The following BTD variants were observed in gnomAD, a reference collection of about 807,000 sequenced individuals.
The protein encoded by BTD is biotinidase, also known as biocytinase.
BTD carries 13 observed loss-of-function variants against 17.7 expected under a neutral mutation model. The ratio of observed to expected loss-of-function variants is 0.74; its 90% CI spans 0.48 to 1.17. The LOEUF (loss-of-function observed/expected upper bound fraction) is 1.17, where lower values mean the gene tolerates loss of function less well. Among genes scored for constraint, BTD ranks in the 50% most tolerant of loss-of-function variants. The probability of loss-of-function intolerance (pLI) is 0.00; values close to 1 mark genes in which losing one functional copy is unlikely to be tolerated. For synonymous variants in BTD, 240 were observed against 245.2 expected, an observed-to-expected ratio of 0.98 and a Z score of 0.20; for missense variants, 674 against 650.4, an observed-to-expected ratio of 1.04 and a Z score of -0.39.
chr3:15,665,066 G>A (rs543242053), intron 3 of BTD, among the ~76,000 whole-genome samples: 1 of 152,136 alleles, frequency 6.6e-6, no homozygotes, highest in Non-Finnish European at 1.5e-5. Flanking sequence ...TAAGCTAGTA[G>A]ACAGGTATTT....
intron 2 of BTD, among the ~76,000 whole-genome samples, chr3:15,637,853 A>G (rs562773687): frequency 2.0e-5 from 3 of 152,290 alleles, no homozygotes; most frequent in East Asian, 3.9e-4. Context: ...CCTTTCAATA[A>G]TCTGCCCCCA....
In BTD at chr3:15,628,673, T is replaced by C. The variant is rs557570751; in HGVS notation, c.-16-6751T>C. Among the ~76,000 whole-genome samples the C allele has an allele frequency of 3.3e-5, 5 of 152,350 alleles. No individual in the cohort carries two copies. The East Asian group carries it at 9.6e-4, about 29-fold the overall frequency. On this transcript the variant is annotated intron_variant, in intron 1 of 3. Coordinates refer to ENST00000643237, the MANE Select transcript of BTD (RefSeq NM_001370658.1). Reference sequence around the variant, plus strand: ...GCTAGAAGTGCCCCCACCATTCATGTGTCCCAGGACTGACTGACAGTGGAA... The same window carrying C: ...GCTAGAAGTGCCCCCACCATTCATGCGTCCCAGGACTGACTGACAGTGGAA...
chr3:15,704,871 C>T (rs185430261), intron 3 of BTD, among the ~76,000 whole-genome samples: 2 of 152,142 alleles, frequency 1.3e-5, no homozygotes, highest in Admixed American at 6.6e-5. Context: ...TGATGGCACT[C>T]GACAGGCTCT....
In BTD at chr3:15,618,737, G is replaced by T. The variant is rs34408221; in HGVS notation, c.-16-16687G>T. ...AGATGGGGTTTCACCATGTTAGCCA[G>T]GATGGTCTCAATCTCCTGACCTCGT... On this transcript the variant is annotated intron_variant, in intron 1 of 3. Coordinates refer to ENST00000643237, the MANE Select transcript of BTD (RefSeq NM_001370658.1). Among the ~76,000 whole-genome samples, 204 of 152,236 alleles carry T rather than the reference G, an allele frequency of 1.3e-3. 5 individuals are homozygous for T. The East Asian group carries it at 0.027, about 20-fold the overall frequency.
chr3:15,675,145 C>T (rs2066802022), intron 3 of BTD, among the ~76,000 whole-genome samples: 1 of 152,098 alleles, frequency 6.6e-6, no homozygotes, highest in African/African-American at 2.4e-5. Flanking sequence ...TGGCAGGTGT[C>T]AGTAATCCCA....
chr3:15,611,325 C>T (rs2064620749), intron 1 of BTD, among the ~76,000 whole-genome samples: 1 of 152,112 alleles, frequency 6.6e-6, no homozygotes, highest in Non-Finnish European at 1.5e-5. Context: ...CAAGATGACT[C>T]TGAAAATGGA....
chr3:15,698,090 T>C (rs964468362), intron 3 of BTD, among the ~76,000 whole-genome samples: 5 of 152,096 alleles, frequency 3.3e-5, no homozygotes, highest in Non-Finnish European at 7.4e-5. Context: ...TCCCTTTATG[T>C]GTCTATTTGA....
chr3:15,674,435 T>A (rs1056781426), intron 3 of BTD, among the ~76,000 whole-genome samples: 1 of 152,114 alleles, frequency 6.6e-6, no homozygotes, highest in African/African-American at 2.4e-5. Context: ...GGAGAGAGCA[T>A]GATGCTGTGG....
intron 3 of BTD, among the ~76,000 whole-genome samples, chr3:15,678,970 A>C (rs1387269371): frequency 2.6e-5 from 4 of 152,130 alleles, no homozygotes; most frequent in Non-Finnish European, 5.9e-5. Context: ...ATTGAAAATA[A>C]AACCTTTTTG....
chr3:15,687,948 C>A (rs551508300), intron 3 of BTD, among the ~76,000 whole-genome samples: 3 of 152,234 alleles, frequency 2.0e-5, no homozygotes, highest in East Asian at 3.9e-4. Context: ...GAAAAAAAAC[C>A]CTCAGTGTTC....
intron 3 of BTD, among the ~76,000 whole-genome samples, chr3:15,707,402 A>C (rs960498161): frequency 1.7e-4 from 26 of 152,156 alleles, no homozygotes; most frequent in African/African-American, 6.3e-4. Context: ...TCTGCCATCT[A>C]ATTTACCTAT....
At position 15,650,951 on chromosome 3, in the gene BTD, A is replaced by G. The variant is rs1022103307; in HGVS notation, c.*5463A>G. On this transcript the variant is annotated 3_prime_UTR_variant, in exon 4 of 4. Transcript: ENST00000643237. ...CGCCCAGCTAATTTTTTGTATTTTTATAGAGACAGGGTTTCACCATGTTAG... is the reference window on the plus strand; with the variant it reads ...CGCCCAGCTAATTTTTTGTATTTTTGTAGAGACAGGGTTTCACCATGTTAG... 3.0e-4 allele frequency among the ~76,000 whole-genome samples: 45 copies of G among 152,060 alleles called. 1 individual carries two copies. The highest frequency in any genetic ancestry group is 1.1e-3 in the African/African-American group (44 of 41,480).
At chr3:15,720,985 G>A (rs771789757) in intron 4 of BTD, 3 of 1,613,902 alleles carry the variant, frequency 1.9e-6, no homozygotes, top group Non-Finnish European at 2.5e-6. Context: ...TGATGCAGCA[G>A]CAAAGTGCAA....
At chr3:15,606,308 T>C (rs1283546923) in intron 1 of BTD, 1 of 152,230 alleles carries the variant, frequency 6.6e-6, no homozygotes, top group Non-Finnish European at 1.5e-5. Context: ...TTTTAAAAGC[T>C]GCTACCTGAT....
At chr3:15,699,097 A>ACAAT (rs1256445977) in intron 3 of BTD, among the ~76,000 whole-genome samples, 1 of 152,112 alleles carries the variant, frequency 6.6e-6, no homozygotes, top group Non-Finnish European at 1.5e-5. Flanking sequence ...CACATCTACA[A>ACAAT]CCATCTGATT....
At chr3:15,718,135 G>GGAT (rs1277428510) in intron 4 of BTD, among the ~76,000 whole-genome samples, 13 of 152,132 alleles carry the variant, frequency 8.5e-5, no homozygotes, top group Non-Finnish European at 1.8e-4. Flanking sequence ...TATTCTTGCT[G>GGAT]GATGAAAACT....
intron 3 of BTD, among the ~76,000 whole-genome samples, chr3:15,705,179 T>C (rs996780607): frequency 6.6e-6 from 1 of 152,186 alleles, no homozygotes; most frequent in South Asian, 2.1e-4. Context: ...ATAAAAGTCA[T>C]TGCTTACTTG....
chr3:15,628,342 A>G (rs2065117875), intron 1 of BTD, among the ~76,000 whole-genome samples: 1 of 152,250 alleles, frequency 6.6e-6, no homozygotes, highest in Non-Finnish European at 1.5e-5. Context: ...TATTGTGTCC[A>G]TCATACATTT....
At chr3:15,620,603 T>C (rs2064923493) in intron 1 of BTD, among the ~76,000 whole-genome samples, 1 of 152,232 alleles carries the variant, frequency 6.6e-6, no homozygotes, top group African/African-American at 2.4e-5. Context: ...AGCACAATTA[T>C]CACAGTGGTC....
Sources: gnomAD v4.1 joint callset for allele counts (sites outside exome capture counted in the v4.1 genomes callset) on GRCh38, gnomAD v4.1.1 for gene constraint, MANE v1.5 for transcripts, NCBI Gene and HGNC (gene_info 2026-07-23, HGNC 2026-07-21) for gene names.